Variants in OSTN observed in about 807,000 individuals in gnomAD.
The protein encoded by OSTN is osteocrin.
A neutral mutation model predicts 12.0 loss-of-function variants in OSTN; 9 were observed. The observed-to-expected ratio is 0.75, with a 90% CI of 0.45 to 1.30. The LOEUF (loss-of-function observed/expected upper bound fraction) is 1.30. Among genes scored for constraint, OSTN ranks in the 50% most tolerant of loss-of-function variants. The pLI is 0.00. For synonymous variants in OSTN, 59 were observed against 56.9 expected (o/e 1.04, Z -0.16); for missense variants, 148 against 152.3 (o/e 0.97, Z 0.15).
intron 4 of OSTN, among the ~76,000 whole-genome samples, chr3:191,261,108 G>C (rs1439976426): frequency 6.6e-6 from 1 of 152,162 alleles, no homozygotes; most frequent in Non-Finnish European, 1.5e-5. Flanking sequence ...TCTCGTAACT[G>C]TGACTTCCAG....
intron 3 of OSTN, among the ~76,000 whole-genome samples, chr3:191,234,094 T>C (rs1715128540): frequency 6.6e-6 from 1 of 152,184 alleles, no homozygotes; most frequent in Non-Finnish European, 1.5e-5. Context: ...ATAACAATAA[T>C]AGTGCTCTAT....
chr3:191,255,770 A>G (rs995291281), intron 4 of OSTN, among the ~76,000 whole-genome samples: 1 of 152,154 alleles, frequency 6.6e-6, no homozygotes, highest in Admixed American at 6.5e-5. Context: ...TCAAACAAAA[A>G]AAGTCATTAA....
At chr3:191,216,393 T>C (rs1369459757) in intron 2 of OSTN, among the ~76,000 whole-genome samples, 1 of 152,244 alleles carries the variant, frequency 6.6e-6, no homozygotes, top group Non-Finnish European at 1.5e-5. Context: ...AATTAGCATT[T>C]GGCTCCTAGT....
In OSTN at chr3:191,239,102, C is replaced by G. The variant is rs374058632; in HGVS notation, c.318-10935C>G. Among the ~76,000 whole-genome samples, 11 of 152,146 alleles carry G rather than the reference C, an allele frequency of 7.2e-5. No homozygotes were observed. The East Asian group carries it at 2.1e-3, about 29-fold the overall frequency. On this transcript the variant is annotated intron_variant, in intron 3 of 4. Transcript: ENST00000682035. ...GTGTCCAGGTTCTCGGCGTCTTGAACAAAGAATTAAACAAAACGCACAAAC... is the reference window on the plus strand; with the variant it reads ...GTGTCCAGGTTCTCGGCGTCTTGAAGAAAGAATTAAACAAAACGCACAAAC...
chr3:191,259,428 C>T (rs979657101), intron 4 of OSTN, among the ~76,000 whole-genome samples: 1 of 151,814 alleles, frequency 6.6e-6, no homozygotes, highest in Admixed American at 6.6e-5. Flanking sequence ...GCCTCGAACT[C>T]GTGACATCAT....
At chr3:191,225,551 A>C (rs1406716200) in intron 3 of OSTN, among the ~76,000 whole-genome samples, 1 of 152,152 alleles carries the variant, frequency 6.6e-6, no homozygotes, top group East Asian at 1.9e-4. Context: ...CACTATACAC[A>C]ATAGTAAAGT....
At chr3:191,248,709 C>T (rs1015928656) in intron 3 of OSTN, among the ~76,000 whole-genome samples, 3 of 152,106 alleles carry the variant, frequency 2.0e-5, no homozygotes, top group East Asian at 1.9e-4. Context: ...CAGTTCAGGA[C>T]GCCAAGATGA....
chr3:191,251,105 A>C (rs1715549666), intron 4 of OSTN, among the ~76,000 whole-genome samples: 1 of 152,094 alleles, frequency 6.6e-6, no homozygotes, highest in African/African-American at 2.4e-5. Context: ...TTAAGCACTT[A>C]TAATAGTACC....
chr3:191,253,581 T>C (rs1443743106), intron 4 of OSTN, among the ~76,000 whole-genome samples: 1 of 152,186 alleles, frequency 6.6e-6, no homozygotes, highest in Non-Finnish European at 1.5e-5. Context: ...TTAATAATAG[T>C]TTCAAGACAG....
At chr3:191,203,521 A>G (rs988190219) in intron 1 of OSTN, among the ~76,000 whole-genome samples, 1 of 152,246 alleles carries the variant, frequency 6.6e-6, no homozygotes, top group Non-Finnish European at 1.5e-5. Context: ...TTGGAAGGCA[A>G]AGTATCTAAA....
chr3:191,216,772 A>G (rs897112269), intron 2 of OSTN, among the ~76,000 whole-genome samples: 7 of 152,174 alleles, frequency 4.6e-5, no homozygotes, highest in African/African-American at 1.4e-4. Context: ...ATCTGAGATC[A>G]CCTCAGCCTG....
intron 3 of OSTN, among the ~76,000 whole-genome samples, chr3:191,247,419 G>C (rs972882282): frequency 6.6e-6 from 1 of 152,172 alleles, no homozygotes; most frequent in African/African-American, 2.4e-5. Flanking sequence ...GGTGTAGCTA[G>C]AGTAAGGATA....
chr3:191,263,726 ATTGGCTTCT>A lies in OSTN; in HGVS notation c.*882_*890del, dbSNP rs2108559732. 1 of 152,210 alleles carries A rather than the reference ATTGGCTTCT, an allele frequency of 6.6e-6. No homozygotes were observed. Among genetic ancestry groups the A allele is most frequent in the Admixed American group, 6.5e-5 (1 of 15,284 alleles). The allele number at this position is 152,210 out of a possible 1,614,324, so 9.4% of individuals were successfully genotyped here. On this transcript the variant is annotated 3_prime_UTR_variant, in exon 5 of 5. Transcript: ENST00000682035. ...AGAAACTGTTTACTGTGTTTCACATATTGGCTTCTTTGGCTTCAATTGTCTTATTATCCT... is the reference window on the plus strand; with the variant it reads ...AGAAACTGTTTACTGTGTTTCACATATTGGCTTCAATTGTCTTATTATCCT...
At chr3:191,237,509 C>T (rs893451471) in intron 3 of OSTN, among the ~76,000 whole-genome samples, 2 of 152,266 alleles carry the variant, frequency 1.3e-5, no homozygotes, top group South Asian at 2.1e-4. Context: ...GAAGGCCAAG[C>T]AGGCATCTTG....
At chr3:191,249,568 C>T (rs902362986) in intron 3 of OSTN, among the ~76,000 whole-genome samples, 4 of 152,146 alleles carry the variant, frequency 2.6e-5, no homozygotes, top group African/African-American at 9.7e-5. Context: ...ATATTTACCT[C>T]TACATTCAGT....
chr3:191,254,740 A>G (rs1446860948), intron 4 of OSTN, among the ~76,000 whole-genome samples: 2 of 152,222 alleles, frequency 1.3e-5, no homozygotes, highest in African/African-American at 4.8e-5. Flanking sequence ...GTCATATTAT[A>G]TATTCTACTT....
intron 1 of OSTN, among the ~76,000 whole-genome samples, chr3:191,206,013 T>C (rs1714265476): frequency 6.6e-6 from 1 of 152,012 alleles, no homozygotes; most frequent in Admixed American, 6.6e-5. Flanking sequence ...GGCGAAACCC[T>C]GTCTCTAGTA....
At chr3:191,260,208 T>A (rs1265101672) in intron 4 of OSTN, among the ~76,000 whole-genome samples, 3 of 152,100 alleles carry the variant, frequency 2.0e-5, no homozygotes, top group African/African-American at 7.2e-5. Context: ...TCTCTAATTT[T>A]TTTTTTTTAA....
intron 4 of OSTN, among the ~76,000 whole-genome samples, chr3:191,258,946 A>G (rs943268262): frequency 1.3e-5 from 2 of 152,198 alleles, no homozygotes; most frequent in Non-Finnish European, 2.9e-5. Context: ...TCTGGTCAAA[A>G]GCCAAAGTGA....
Sources: gnomAD v4.1 joint callset for allele counts (sites outside exome capture counted in the v4.1 genomes callset) on GRCh38, gnomAD v4.1.1 for gene constraint, MANE v1.5 for transcripts, NCBI Gene and HGNC (gene_info 2026-07-23, HGNC 2026-07-21) for gene names.